Variants in MYO5B observed in about 807,000 individuals in gnomAD.
MYO5B encodes unconventional myosin-Vb.
Under a neutral mutation model 229.3 loss-of-function variants are expected in MYO5B, and 143 were observed. The ratio of observed to expected loss-of-function variants is 0.62; its 90% confidence interval spans 0.54 to 0.72. MYO5B has a LOEUF of 0.72. Ranked by LOEUF, MYO5B falls within the 30% of genes least tolerant of loss-of-function variation. The pLI is 0.00. For synonymous variants in MYO5B, 918 were observed against 885.2 expected, an observed-to-expected ratio of 1.04 and a Z score of -0.66; for missense variants, 2,321 against 2,331.0, an observed-to-expected ratio of 1.00 and a Z score of 0.09.
At chr18:49,902,932 G>T in intron 20 of MYO5B, 99 bp from the exon 21 acceptor site, 1 of 1,485,370 alleles carries the variant, frequency 6.7e-7, no homozygotes, top group Non-Finnish European at 9.1e-7. Flanking sequence ...GGCCAGGGCA[G>T]CCTTGGTTCT....
At chr18:49,853,732 G>T in intron 30 of MYO5B, 85 bp from the exon 31 acceptor site, 1 of 1,272,134 alleles carries the variant, frequency 7.9e-7, no homozygotes, top group Non-Finnish European at 1.1e-6. Flanking sequence ...TAACAGGGGA[G>T]CAGCCAAGCA....
chr18:49,943,906 A>T (rs138032553), intron 14 of MYO5B, among the ~76,000 whole-genome samples: 9 of 152,302 alleles, frequency 5.9e-5, no homozygotes, highest in Non-Finnish European at 8.8e-5. Context: ...GGGAAGTCTG[A>T]ACTGTAGGAC....
intron 1 of MYO5B, among the ~76,000 whole-genome samples, chr18:50,099,668 G>A (rs1324071204): frequency 6.6e-6 from 1 of 152,166 alleles, no homozygotes; most frequent in African/African-American, 2.4e-5. Context: ...GGCAAGGACT[G>A]GAGCTTTGAG....
At chr18:50,034,852 G>A (rs1598968579) in intron 4 of MYO5B, among the ~76,000 whole-genome samples, 1 of 152,172 alleles carries the variant, frequency 6.6e-6, no homozygotes, top group East Asian at 1.9e-4. Context: ...AGCAAAAATT[G>A]CAGAAGAACT....
At position 49,992,384 on chromosome 18, in the gene MYO5B, A is replaced by C; in HGVS notation, c.660T>G (p.Phe220Leu). The change falls in exon 6 of 40, where the codon TTT becomes TTG. Residue 220 changes from phenylalanine to leucine, a missense_variant. Coordinates refer to ENST00000285039, the MANE Select transcript of MYO5B (RefSeq NM_001080467.3). ...KTTRNDNSSRFGKYIQIGFDK... is the reference protein window; with the variant it reads ...KTTRNDNSSRLGKYIQIGFDK... Reference sequence around the variant, plus strand: ...CAAAGCCAATCTGGATGTACTTGCCAAAACGGCTGCTGTTGTCATTGCGGG... The same window carrying C: ...CAAAGCCAATCTGGATGTACTTGCCCAAACGGCTGCTGTTGTCATTGCGGG... 6.2e-7 allele frequency: 1 copy of C among 1,614,210 alleles called. No homozygotes were observed. Among genetic ancestry groups the C allele is most frequent in the Non-Finnish European group, 8.5e-7 (1 of 1,180,024 alleles).
At chr18:49,984,567 G>A (rs993277840) in intron 8 of MYO5B, 151 bp downstream of exon 8, 3 of 700,546 alleles carry the variant, frequency 4.3e-6, no homozygotes, top group African/African-American at 3.5e-5. Flanking sequence ...GGATGGGTAA[G>A]AGAGTAAGAG....
chr18:49,922,648 C>T (rs2025086898), intron 17 of MYO5B, among the ~76,000 whole-genome samples: 2 of 151,932 alleles, frequency 1.3e-5, no homozygotes, highest in Non-Finnish European at 2.9e-5. Flanking sequence ...ATGGCAAATG[C>T]CAGGAGGATA....
At chr18:49,863,741 C>T (rs2024360092) in intron 28 of MYO5B, among the ~76,000 whole-genome samples, 1 of 152,170 alleles carries the variant, frequency 6.6e-6, no homozygotes, top group African/African-American at 2.4e-5. Flanking sequence ...GCCTCTGTCC[C>T]CACCCTCTGG....
At chr18:49,891,264 T>C (rs16951175) in intron 22 of MYO5B, among the ~76,000 whole-genome samples, 3,529 of 152,258 alleles carry the variant, frequency 0.023, 116 homozygotes, top group African/African-American at 0.076. Context: ...CTTACTCAGA[T>C]GTCTTCTCAG....
chr18:50,194,875 G>A lies in MYO5B; in HGVS notation c.-82C>T, dbSNP rs1316785358. On this transcript the variant is annotated 5_prime_UTR_variant, in exon 1 of 40. Coordinates refer to ENST00000285039, the MANE Select transcript of MYO5B (RefSeq NM_001080467.3). Reference sequence around the variant, plus strand: ...CCGCGGCTGGCCCGCCTGGCGCCATGTTCCCGGGCTGGCCTGGAGTTTCTC... The same window carrying A: ...CCGCGGCTGGCCCGCCTGGCGCCATATTCCCGGGCTGGCCTGGAGTTTCTC... 6 of 1,237,490 alleles carry A rather than the reference G, an allele frequency of 4.8e-6. No individual in the cohort carries two copies. The South Asian group carries it at 1.4e-4, about 29-fold the overall frequency. 76.7% of individuals were successfully genotyped at this position (1,237,490 alleles called of 1,614,324 possible).
chr18:49,923,417 G>C (rs1011214270), intron 17 of MYO5B, among the ~76,000 whole-genome samples: 3 of 152,120 alleles, frequency 2.0e-5, no homozygotes, highest in African/African-American at 7.2e-5. Flanking sequence ...CACCACAAAG[G>C]CCAGAAACTG....
intron 14 of MYO5B, among the ~76,000 whole-genome samples, chr18:49,951,220 CT>C (rs1226940882): frequency 6.6e-6 from 1 of 152,174 alleles, no homozygotes; most frequent in Non-Finnish European, 1.5e-5. Flanking sequence ...CCACCTCTCC[CT>C]TTGCTGAGTT....
intron 17 of MYO5B, among the ~76,000 whole-genome samples, chr18:49,923,209 A>G (rs1568032338): frequency 1.3e-5 from 2 of 152,304 alleles, no homozygotes; most frequent in East Asian, 1.9e-4. Context: ...TCAACTCCTC[A>G]GTGAAGTTGC....
chr18:49,861,868 C>G (rs1240211028), intron 29 of MYO5B, among the ~76,000 whole-genome samples: 1 of 152,202 alleles, frequency 6.6e-6, no homozygotes, highest in East Asian at 1.9e-4. Context: ...AAGTGGCACT[C>G]ACAGTGCCAC....
At chr18:50,166,097 A>C (rs1024829769) in intron 1 of MYO5B, among the ~76,000 whole-genome samples, 11 of 152,204 alleles carry the variant, frequency 7.2e-5, no homozygotes, top group Non-Finnish European at 1.6e-4. Flanking sequence ...ACCTTATGCC[A>C]GGTACACTCC....
intron 22 of MYO5B, among the ~76,000 whole-genome samples, chr18:49,889,390 G>A (rs895372232): frequency 1.3e-5 from 2 of 152,188 alleles, no homozygotes; most frequent in Admixed American, 6.5e-5. Context: ...AACCCAACAG[G>A]AGAAACCACA....
At chr18:49,953,826 G>A (rs920537666) in intron 13 of MYO5B, among the ~76,000 whole-genome samples, 1 of 151,974 alleles carries the variant, frequency 6.6e-6, no homozygotes, top group African/African-American at 2.4e-5. Context: ...TTTGTTTACA[G>A]CCCTCCCTTC....
intron 4 of MYO5B, among the ~76,000 whole-genome samples, chr18:50,011,444 G>A (rs1242978206): frequency 1.3e-5 from 2 of 152,276 alleles, no homozygotes; most frequent in South Asian, 4.1e-4. Flanking sequence ...TCCTCTGAGA[G>A]CCAAACACAT....
intron 3 of MYO5B, among the ~76,000 whole-genome samples, chr18:50,038,378 A>G (rs935955918): frequency 1.3e-5 from 2 of 152,202 alleles, no homozygotes; most frequent in African/African-American, 4.8e-5. Context: ...TATTCCACAT[A>G]AAGGGGAAAG....
Sources: gnomAD v4.1 joint callset for allele counts (sites outside exome capture counted in the v4.1 genomes callset) on GRCh38, gnomAD v4.1.1 for gene constraint, MANE v1.5 for transcripts, NCBI Gene and HGNC (gene_info 2026-07-23, HGNC 2026-07-21) for gene names.